LMO3: variants seen among roughly 807,000 people sequenced by gnomAD.
LMO3 encodes the protein LIM domain only 3.
LMO3 carries 2 observed loss-of-function variants against 15.8 expected under a neutral mutation model. That is an observed-to-expected ratio of 0.13 (90% CI 0.05 to 0.40). The LOEUF (loss-of-function observed/expected upper bound fraction) is 0.40, where lower values mean the gene tolerates loss of function less well. Ranked by LOEUF, LMO3 falls within the 10% of genes least tolerant of loss-of-function variation. LMO3 has a pLI of 0.99. For missense variants in LMO3, 86 were observed against 182.2 expected (o/e 0.47, Z 3.04); for synonymous variants, 62 against 63.8 (o/e 0.97, Z 0.13).
chr12:16,566,931 T>C (rs1231220078), intron 2 of LMO3, among the ~76,000 whole-genome samples: 1 of 152,152 alleles, frequency 6.6e-6, no homozygotes, highest in Non-Finnish European at 1.5e-5. Context: ...CAAAAGCCCA[T>C]GCTACATAGT....
At chr12:16,554,397 A>ATACTT (rs1324736718) in intron 3 of LMO3, among the ~76,000 whole-genome samples, 2 of 152,160 alleles carry the variant, frequency 1.3e-5, no homozygotes, top group African/African-American at 2.4e-5. Flanking sequence ...TCTAGTGTCT[A>ATACTT]TACTTTCCTA....
intron 2 of LMO3, among the ~76,000 whole-genome samples, chr12:16,567,837 A>G (rs1176069857): frequency 6.6e-6 from 1 of 152,026 alleles, no homozygotes; most frequent in African/African-American, 2.4e-5. Context: ...ATCAGACAGA[A>G]CACCACCAGG....
In LMO3 at chr12:16,560,641, A is replaced by G; in HGVS notation, c.207-103T>C. The G allele has an allele frequency of 3.1e-6, 3 of 965,556 alleles. No homozygotes were observed. The highest frequency in any genetic ancestry group is 3.1e-6 in the Non-Finnish European group (2 of 640,842). The allele number at this position is 965,556 out of a possible 1,614,324, so 59.8% of individuals were successfully genotyped here. A position where few individuals can be genotyped will look rare whatever the true frequency, so the allele number is the denominator to read the frequency against. ...ATACTCTGTAAAGCTACAATACACAATGCTTTATGATGTACACAAGTGGAT... is the reference window on the plus strand; with the variant it reads ...ATACTCTGTAAAGCTACAATACACAGTGCTTTATGATGTACACAAGTGGAT... On this transcript the variant is annotated intron_variant, in intron 2 of 3. Transcript: ENST00000537304. This position sits in a 1 kb window ranked among gnomAD's most constrained non-coding sequence, Gnocchi z 5.0.
Position 16,559,056 on chromosome 12 carries a change from A to G in LMO3, c.332+1357T>C, listed in dbSNP as rs367584420. The stretch of plus-strand genomic sequence containing the variant: ...TGTCACATTCTTTCTACTATTCTAC[A>G]GGGTCTCATAAGAAGATTCTGCATC... On this transcript the variant is annotated intron_variant, in intron 3 of 3. Coordinates refer to ENST00000537304, the MANE Select transcript of LMO3 (RefSeq NM_018640.5). The surrounding 1 kb of genome is among the most constrained non-coding windows in gnomAD (Gnocchi z 4.1). Among the ~76,000 whole-genome samples the G allele has an allele frequency of 1.3e-5, 2 of 152,160 alleles. No homozygotes were observed. The highest frequency in any genetic ancestry group is 4.8e-5 in the African/African-American group (2 of 41,430).
intron 2 of LMO3, among the ~76,000 whole-genome samples, chr12:16,579,072 G>A (rs1004537979): frequency 1.3e-5 from 2 of 151,990 alleles, no homozygotes; most frequent in Non-Finnish European, 2.9e-5. Context: ...ACACTCTCTA[G>A]AGCTTAGTTT....
chr12:16,572,339 CTTTTTTT>C (rs59773866), intron 2 of LMO3, among the ~76,000 whole-genome samples: 101 of 89,528 alleles, frequency 1.1e-3, no homozygotes, highest in Middle Eastern at 0.01. Context: ...GGTCCAAACT[CTTTTTTT>C]TTTTTTTTTT....
At chr12:16,605,655 G>GC (rs1943970363) in intron 1 of LMO3, 2 of 1,076,598 alleles carry the variant, frequency 1.9e-6, no homozygotes, top group Admixed American at 4.3e-5. Context: ...TATGGGCTGG[G>GC]AGCAAACACT....
intron 2 of LMO3, among the ~76,000 whole-genome samples, chr12:16,573,276 A>G (rs1942882155): frequency 6.6e-6 from 1 of 152,208 alleles, no homozygotes; most frequent in Admixed American, 6.5e-5. Flanking sequence ...ATTTAAAATC[A>G]TTAGTGAATG....
chr12:16,604,650 G>T lies in LMO3; in HGVS notation c.-9+1416C>A. Reference sequence around the variant, plus strand: ...TCCAGCCTTTTGTGGTTGTGTCTTTGCAGCCACACAGGGATGGTTTGCAAA... The same window carrying T: ...TCCAGCCTTTTGTGGTTGTGTCTTTTCAGCCACACAGGGATGGTTTGCAAA... On this transcript the variant is annotated intron_variant, in intron 1 of 3. Transcript: ENST00000537304. The surrounding 1 kb of genome is among the most constrained non-coding windows in gnomAD (Gnocchi z 5.3). 1 of 580,772 alleles carries T rather than the reference G, an allele frequency of 1.7e-6. No individual in the cohort carries two copies. The highest frequency in any genetic ancestry group is 3.0e-6 in the Non-Finnish European group (1 of 329,580). 36.0% of individuals were successfully genotyped at this position (580,772 alleles called of 1,614,324 possible). A position where few individuals can be genotyped will look rare whatever the true frequency, so the allele number is the denominator to read the frequency against.
At chr12:16,558,016 A>G (rs946761474) in intron 3 of LMO3, among the ~76,000 whole-genome samples, 1 of 152,080 alleles carries the variant, frequency 6.6e-6, no homozygotes, top group Admixed American at 6.5e-5. Context: ...GATAGAAGAC[A>G]TATGTGAAGC....
At chr12:16,573,308 A>C (rs1942883353) in intron 2 of LMO3, among the ~76,000 whole-genome samples, 1 of 152,298 alleles carries the variant, frequency 6.6e-6, no homozygotes, top group South Asian at 2.1e-4. Context: ...AGTTGAAACA[A>C]AAATTTTGAA....
intron 2 of LMO3, among the ~76,000 whole-genome samples, chr12:16,583,209 A>G (rs1943220934): frequency 6.6e-6 from 1 of 152,198 alleles, no homozygotes; most frequent in African/African-American, 2.4e-5. Context: ...TGTCAGTAAC[A>G]GCAGTATCAG....
In LMO3 at chr12:16,550,549, T is replaced by A. The variant is rs535101506; in HGVS notation, c.*673A>T. Reference sequence around the variant, plus strand: ...AAATGAAAGTGCTTTAAGATGAAATTTTTATGTATTTTTTTAAAGCTGATT... The same window carrying A: ...AAATGAAAGTGCTTTAAGATGAAATATTTATGTATTTTTTTAAAGCTGATT... On this transcript the variant is annotated 3_prime_UTR_variant, in exon 4 of 4. Transcript: ENST00000537304. The A allele has an allele frequency of 6.6e-6, 1 of 152,298 alleles. No homozygotes were observed. Among genetic ancestry groups the A allele is most frequent in the Admixed American group, 6.6e-5 (1 of 15,248 alleles). The allele number at this position is 152,298 out of a possible 1,614,324, so 9.4% of individuals were successfully genotyped here.
chr12:16,594,219 T>C, intron 2 of LMO3: 1 of 1,532,726 alleles, frequency 6.5e-7, no homozygotes, highest in South Asian at 1.2e-5. Context: ...CCAATCTCTG[T>C]ATGTGCAGCA....
intron 2 of LMO3, among the ~76,000 whole-genome samples, chr12:16,563,088 A>G (rs1465344660): frequency 1.3e-5 from 2 of 152,086 alleles, no homozygotes; most frequent in East Asian, 1.9e-4. Flanking sequence ...ATCAGTTTCC[A>G]TCTACACCTG....
chr12:16,554,141 T>G (rs1239489993), intron 3 of LMO3, among the ~76,000 whole-genome samples: 1 of 152,208 alleles, frequency 6.6e-6, no homozygotes, highest in Non-Finnish European at 1.5e-5. Flanking sequence ...TTTAGCTGAC[T>G]TCATATAGTC....
chr12:16,557,168 G>T (rs972151812), intron 3 of LMO3, among the ~76,000 whole-genome samples: 25 of 152,042 alleles, frequency 1.6e-4, no homozygotes, highest in African/African-American at 6.0e-4. Flanking sequence ...TTTAGGCTGG[G>T]TTTAGCACTT....
chr12:16,557,899 ATTCT>A (rs1303689378), intron 3 of LMO3, among the ~76,000 whole-genome samples: 1 of 152,188 alleles, frequency 6.6e-6, no homozygotes, highest in Admixed American at 6.5e-5. Context: ...TAAATGTCAC[ATTCT>A]TTCTACTATT....
chr12:16,574,549 T>C (rs1306888426), intron 2 of LMO3, among the ~76,000 whole-genome samples: 1 of 152,164 alleles, frequency 6.6e-6, no homozygotes, highest in African/African-American at 2.4e-5. Context: ...ACCAATGATG[T>C]GTTTTAGGTA....
Sources: allele counts gnomAD v4.1 joint callset (sites outside exome capture counted in the v4.1 genomes callset), GRCh38; gene constraint gnomAD v4.1.1; non-coding constraint Gnocchi (gnomAD v3.1); transcripts MANE v1.5; gene names NCBI Gene and HGNC (gene_info 2026-07-23, HGNC 2026-07-21).